MUC17: variants seen among roughly 807,000 people sequenced by gnomAD.
MUC17 encodes the protein mucin-17.
Under a neutral mutation model 170.3 loss-of-function variants are expected in MUC17, and 190 were observed. The observed-to-expected ratio is 1.12, with a 90% confidence interval of 0.99 to 1.26. The LOEUF (loss-of-function observed/expected upper bound fraction) is 1.26, where lower values mean the gene tolerates loss of function less well. MUC17 is among the 50% of genes most tolerant of loss of function. The pLI is 0.00. For missense variants in MUC17, 6,415 were observed against 5,530.0 expected (o/e 1.16, Z -5.08); for synonymous variants, 2,325 against 2,002.5 (o/e 1.16, Z -4.30).
In MUC17 at chr7:101,034,883, G is replaced by C. The variant is rs1381948151; in HGVS notation, c.3467G>C (p.Ser1156Thr). The change falls in exon 3 of 13, where the codon AGT becomes ACT. Residue 1156 changes from serine (S) to threonine (T), a missense_variant. Transcript: ENST00000306151. Reference sequence around the variant, plus strand: ...ACCAGCATACCAACCTCACCTCCCAGTGAAGGAACCACTCCGTTAGCAAGT... The same window carrying C: ...ACCAGCATACCAACCTCACCTCCCACTGAAGGAACCACTCCGTTAGCAAGT... ...EGTSIPTSPPSEGTTPLASMP... is the reference protein window; with the variant it reads ...EGTSIPTSPPTEGTTPLASMP... 5 of 1,613,206 alleles carry C rather than the reference G, an allele frequency of 3.1e-6. No homozygotes were observed. Among genetic ancestry groups the C allele is most frequent in the Admixed American group, 1.7e-5 (1 of 59,938 alleles).
rs769494303 is a variant in MUC17 at position 101,032,903 on chromosome 7, C to A, written c.1487C>A (p.Ala496Asp). 69 of 1,613,826 alleles carry A rather than the reference C, an allele frequency of 4.3e-5. No homozygotes were observed. The highest frequency in any genetic ancestry group is 5.6e-5 in the Non-Finnish European group (66 of 1,179,946). ...GAAGCCAGTTCATCTCCTCCAACTG[C>A]TGAAGTTAACAGCATGCCAACCTCA... Reference protein sequence around the residue: ...STEASSSPPTAEVNSMPTSTP... With the variant: ...STEASSSPPTDEVNSMPTSTP... The change falls in exon 3 of 13, where the codon GCT becomes GAT. Residue 496 changes from alanine to aspartate, a missense_variant. Physicochemically the swap from Ala to Asp is moderately radical, Grantham distance 126. Coordinates refer to ENST00000306151, the MANE Select transcript of MUC17 (RefSeq NM_001040105.2).
intron 1 of MUC17, among the ~76,000 whole-genome samples, chr7:101,022,112 T>A (rs1794101644): frequency 6.6e-6 from 1 of 150,806 alleles, no homozygotes; most frequent in Non-Finnish European, 1.5e-5. Context: ...TAGGGCTCTG[T>A]CCCCATCTAG....
At chr7:101,044,688 T>C (rs1234484394) in intron 3 of MUC17, among the ~76,000 whole-genome samples, 1 of 152,248 alleles carries the variant, frequency 6.6e-6, no homozygotes, top group African/African-American at 2.4e-5. Context: ...TTGTATGCCA[T>C]GATGTTATTA....
rs768730744 is a variant in MUC17 at position 101,039,659 on chromosome 7, A to G, written c.8243A>G (p.Asp2748Gly). Reference protein sequence around the residue: ...GTSMRISTPSDGSTPLTSILV... With the variant: ...GTSMRISTPSGGSTPLTSILV... The stretch of plus-strand genomic sequence containing the variant: ...AGCATGCGAATCTCAACTCCTAGTG[A>G]TGGAAGTACTCCATTAACAAGTATA... Residue 2748 changes from aspartate (D) to glycine (G), a missense_variant, in exon 3 of 13, where the codon GAT becomes GGT. By Grantham distance (94) the Asp-to-Gly change is moderately conservative. Transcript: ENST00000306151. The G allele has an allele frequency of 3.1e-6, 5 of 1,612,314 alleles. No homozygotes were observed. The highest frequency in any genetic ancestry group is 1.7e-4 in the Middle Eastern group (1 of 6,052).
Position 101,040,916 on chromosome 7 carries a change from C to A in MUC17, c.9500C>A (p.Thr3167Lys), listed in dbSNP as rs377434098. 7 of 1,613,504 alleles carry A rather than the reference C, an allele frequency of 4.3e-6. No homozygotes were observed. The highest frequency in any genetic ancestry group is 5.9e-6 in the Non-Finnish European group (7 of 1,179,940). The change falls in exon 3 of 13, where the codon ACA becomes AAA. Residue 3167 changes from threonine (T) to lysine (K), a missense_variant. Physicochemically the swap from Thr to Lys is moderately conservative, Grantham distance 78. Transcript: ENST00000306151. ...CCTAGTGAAGGAAGTACTCCATTAA[C>A]ATATATGCCTGTCAGCACCATGCTG... Reference protein sequence around the residue: ...STPSEGSTPLTYMPVSTMLVV... With the variant: ...STPSEGSTPLKYMPVSTMLVV...
intron 3 of MUC17, among the ~76,000 whole-genome samples, chr7:101,046,047 A>G (rs1794834564): frequency 6.6e-6 from 1 of 152,218 alleles, no homozygotes; most frequent in Non-Finnish European, 1.5e-5. Context: ...TCAGGTCTGG[A>G]CGTCTTCAGT....
Position 101,042,923 on chromosome 7 carries a change from C to A in MUC17, c.11507C>A (p.Ser3836Ter). ...VMSPSEASTL[S>*]TPPGDTSTPL... Reference sequence around the variant, plus strand: ...AGTCCTTCTGAGGCCAGCACACTTTCAACACCTCCTGGTGATACCAGCACA... The same window carrying A: ...AGTCCTTCTGAGGCCAGCACACTTTAAACACCTCCTGGTGATACCAGCACA... Residue 3836 changes from serine to a stop codon, truncating the protein, a stop_gained, in exon 3 of 13, where the codon TCA becomes TAA. Transcript: ENST00000306151. LOFTEE classifies it high-confidence loss of function. 1 of 1,614,154 alleles carries A rather than the reference C, an allele frequency of 6.2e-7. No individual in the cohort carries two copies. Among genetic ancestry groups the A allele is most frequent in the East Asian group, 2.2e-5 (1 of 44,890 alleles).
chr7:101,058,337 A>C lies in MUC17; in HGVS notation c.*293A>C. ...CTCTGACTGCAACATCTTTCACCCC[A>C]TTGATCGCCAGGATTGATTTGGTTG... is the stretch of plus-strand genomic sequence containing the variant. On this transcript the variant is annotated 3_prime_UTR_variant, in exon 13 of 13. Transcript: ENST00000306151. 1 of 254,528 alleles carries C rather than the reference A, an allele frequency of 3.9e-6. No individual in the cohort carries two copies. The highest frequency in any genetic ancestry group is 1.1e-4 in the South Asian group (1 of 8,888). 15.8% of individuals were successfully genotyped at this position (254,528 alleles called of 1,614,324 possible). A position where few individuals can be genotyped will look rare whatever the true frequency, so the allele number is the denominator to read the frequency against.
Position 101,034,340 on chromosome 7 carries a change from C to A in MUC17, c.2924C>A (p.Thr975Asn), listed in dbSNP as rs775116009. The stretch of plus-strand genomic sequence containing the variant: ...ACTGCTGAAGGTACCAGCATACCAA[C>A]CTCGACTCCTAGTGAAGGAACGACT... Reference protein sequence around the residue: ...PTTAEGTSIPTSTPSEGTTPL... With the variant: ...PTTAEGTSIPNSTPSEGTTPL... The change falls in exon 3 of 13, where the codon ACC (threonine) becomes AAC (asparagine). Residue 975 changes from threonine (T) to asparagine (N), a missense_variant. By Grantham distance (65) the Thr-to-Asn change is moderately conservative. Transcript: ENST00000306151. 5.0e-6 allele frequency: 8 copies of A among 1,608,764 alleles called. No individual in the cohort carries two copies. The South Asian group carries it at 6.7e-5, about 13-fold the overall frequency.
intron 12 of MUC17, among the ~76,000 whole-genome samples, chr7:101,056,664 T>C (rs1795051711): frequency 6.6e-6 from 1 of 152,234 alleles, no homozygotes; most frequent in Non-Finnish European, 1.5e-5. Flanking sequence ...TTTGTATTGA[T>C]CTATTCACTA....
At chr7:101,045,756 T>C (rs1794828822) in intron 3 of MUC17, among the ~76,000 whole-genome samples, 1 of 152,204 alleles carries the variant, frequency 6.6e-6, no homozygotes, top group Non-Finnish European at 1.5e-5. Context: ...CTTCTTGAGC[T>C]CTCTGATTCT....
chr7:101,022,157 C>T lies in MUC17; in HGVS notation c.82+1940C>T, dbSNP rs538948584. On this transcript the variant is annotated intron_variant, in intron 1 of 12. Coordinates refer to ENST00000306151, the MANE Select transcript of MUC17 (RefSeq NM_001040105.2). ...CACCATCCCACTCTTGTCCTCCTCC[C>T]GAGAGATTTTTTTTTTTTTTTTTTT... Among the ~76,000 whole-genome samples, 14 of 150,554 alleles carry T rather than the reference C, an allele frequency of 9.3e-5. No individual in the cohort carries two copies. In the South Asian group the frequency reaches 1.9e-3, roughly 20 times the overall value.
intron 1 of MUC17, among the ~76,000 whole-genome samples, chr7:101,026,347 G>A (rs1303352148): frequency 6.6e-6 from 1 of 152,246 alleles, no homozygotes. Flanking sequence ...AGGAGGGCTG[G>A]CTATGGAATC....
chr7:101,047,240 G>T (rs976966689), intron 3 of MUC17, among the ~76,000 whole-genome samples: 1 of 152,118 alleles, frequency 6.6e-6, no homozygotes, highest in Non-Finnish European at 1.5e-5. Context: ...GGGTGTTGAG[G>T]AACAACGACC....
Position 101,042,154 on chromosome 7 carries a change from A to T in MUC17, c.10738A>T (p.Thr3580Ser). 1 of 1,614,164 alleles carries T rather than the reference A, an allele frequency of 6.2e-7. No individual in the cohort carries two copies. The highest frequency in any genetic ancestry group is 8.5e-7 in the Non-Finnish European group (1 of 1,180,028). ...AAGTGAAGGAAGCTCTTCATTAACA[A>T]CTATGCTCCTCAGCAGCACATATGT... The part of the protein sequence containing the change: ...TPSEGSSSLT[T>S]MLLSSTYVTS... Residue 3580 changes from threonine (T) to serine (S), a missense_variant, in exon 3 of 13, where the codon ACT becomes TCT. Transcript: ENST00000306151.
chr7:101,058,174 C>A lies in MUC17; in HGVS notation c.*130C>A. 2.7e-6 allele frequency: 2 copies of A among 739,848 alleles called. No individual in the cohort carries two copies. The highest frequency in any genetic ancestry group is 2.3e-6 in the Non-Finnish European group (1 of 440,476). The allele number at this position is 739,848 out of a possible 1,614,324, so 45.8% of individuals were successfully genotyped here. A position where few individuals can be genotyped will look rare whatever the true frequency, so the allele number is the denominator to read the frequency against. On this transcript the variant is annotated 3_prime_UTR_variant, in exon 13 of 13. Coordinates refer to ENST00000306151, the MANE Select transcript of MUC17 (RefSeq NM_001040105.2). The stretch of plus-strand genomic sequence containing the variant: ...GTAAGTACAGGAAACAAGCCCTGTA[C>A]TTACCAAGGAGAAAGAGGAGAGACA...
chr7:101,034,878 T>A lies in MUC17; in HGVS notation c.3462T>A (p.Pro1154=). ...AAGGTACCAGCATACCAACCTCACC[T>A]CCCAGTGAAGGAACCACTCCGTTAG... ...TAEGTSIPTS[P]PSEGTTPLAS... is the part of the protein sequence containing the mutation. The change falls in exon 3 of 13, where the codon CCT becomes CCA. Residue 1154 remains proline, a synonymous_variant. Transcript: ENST00000306151. 6.2e-7 allele frequency: 1 copy of A among 1,613,078 alleles called. No individual in the cohort carries two copies. Among genetic ancestry groups the A allele is most frequent in the Non-Finnish European group, 8.5e-7 (1 of 1,179,848 alleles).
At chr7:101,055,249 AT>A (rs200053131) in intron 11 of MUC17, among the ~76,000 whole-genome samples, 1 of 151,988 alleles carries the variant, frequency 6.6e-6, no homozygotes, top group Non-Finnish European at 1.5e-5. Context: ...TTTAAAAAGG[AT>A]TTTTTTAAAA....
chr7:101,031,674 C>A lies in MUC17; in HGVS notation c.258C>A (p.Ser86Arg). 1 of 1,592,380 alleles carries A rather than the reference C, an allele frequency of 6.3e-7. No individual in the cohort carries two copies. Among genetic ancestry groups the A allele is most frequent in the South Asian group, 1.1e-5 (1 of 87,656 alleles). ...VVEPRMYLSC[S>R]TNPEMTSIES... The stretch of plus-strand genomic sequence containing the variant: ...AGCCAAGAATGTATTTGAGTTGCAG[C>A]ACCAACCCTGAGATGACCTCGATTG... The change falls in exon 3 of 13, where the codon AGC becomes AGA. Residue 86 changes from serine to arginine, a missense_variant. Coordinates refer to ENST00000306151, the MANE Select transcript of MUC17 (RefSeq NM_001040105.2).
Sources: allele counts gnomAD v4.1 joint callset (sites outside exome capture counted in the v4.1 genomes callset), GRCh38; gene constraint gnomAD v4.1.1; transcripts MANE v1.5; gene names NCBI Gene and HGNC (gene_info 2026-07-23, HGNC 2026-07-21).